Variants in COMMD1 observed in about 807,000 individuals in gnomAD.
COMMD1 encodes the protein COMM domain-containing protein 1.
In COMMD1, 10 loss-of-function variants were observed where a neutral mutation model predicts 17.2. The ratio of observed to expected loss-of-function variants is 0.58; its 90% CI spans 0.36 to 0.99. The LOEUF (loss-of-function observed/expected upper bound fraction) is 0.99, where lower values mean the gene tolerates loss of function less well. COMMD1 is among the 50% of genes least tolerant of loss of function. COMMD1 has a pLI of 0.01. For missense variants in COMMD1, 270 were observed against 231.8 expected (o/e 1.17, Z -1.07); for synonymous variants, 97 against 91.6 (o/e 1.06, Z -0.34).
At chr2:62,015,232 G>A (rs1467873434) in intron 2 of COMMD1, among the ~76,000 whole-genome samples, 2 of 152,042 alleles carry the variant, frequency 1.3e-5, no homozygotes, top group Non-Finnish European at 2.9e-5. Context: ...TTTTCTCTGT[G>A]TATTTGCCTA....
rs57628894 is a variant in COMMD1, at chr2:62,003,605, T to TACACACACAC, written c.462+2650_462+2659dup. ...CATTACGTTATGTGACAGATATTTT[T>TACACACACAC]ACACACACACACACACACACACACA... On this transcript the variant is annotated intron_variant, in intron 2 of 2. Transcript: ENST00000311832. Among the ~76,000 whole-genome samples the TACACACACAC allele has an allele frequency of 9.0e-3, 1,315 of 146,244 alleles. 3 individuals carry two copies. The highest frequency in any genetic ancestry group is 0.014 in the South Asian group (64 of 4,490).
intron 2 of COMMD1, among the ~76,000 whole-genome samples, chr2:62,054,441 A>G (rs1376439093): frequency 2.0e-5 from 3 of 152,234 alleles, no homozygotes; most frequent in Admixed American, 2.0e-4. Flanking sequence ...TATGGAATCA[A>G]TCTAAGTGTG....
chr2:61,892,784 G>A (rs1669464115), intron 1 of COMMD1, among the ~76,000 whole-genome samples: 1 of 151,578 alleles, frequency 6.6e-6, no homozygotes, highest in Non-Finnish European at 1.5e-5. Context: ...AGTGTTTGTT[G>A]TTATTTTGTA....
intron 2 of COMMD1, among the ~76,000 whole-genome samples, chr2:62,032,386 A>G (rs1669930639): frequency 6.6e-6 from 1 of 152,140 alleles, no homozygotes; most frequent in South Asian, 2.1e-4. Flanking sequence ...AAATGTAAAA[A>G]TTAGCCAAGC....
At chr2:61,961,173 T>C (rs570668376) in intron 1 of COMMD1, among the ~76,000 whole-genome samples, 5 of 152,326 alleles carry the variant, frequency 3.3e-5, no homozygotes, top group African/African-American at 9.6e-5. Context: ...CAAGGTGAGC[T>C]TTACTTTCTG....
At chr2:61,962,964 C>T (rs1407993123) in intron 1 of COMMD1, among the ~76,000 whole-genome samples, 2 of 151,968 alleles carry the variant, frequency 1.3e-5, no homozygotes, top group African/African-American at 4.8e-5. Context: ...AATTTAAGAC[C>T]AGCCTGGCCA....
At chr2:61,903,164 C>T (rs1669695756), upstream of COMMD1, among the ~76,000 whole-genome samples, 1 of 152,042 alleles carries the variant, frequency 6.6e-6, no homozygotes, top group Non-Finnish European at 1.5e-5. Context: ...ATGCCTCTGG[C>T]CAGGTACAGT....
chr2:62,007,355 G>C (rs763691969), intron 2 of COMMD1, among the ~76,000 whole-genome samples: 1 of 151,926 alleles, frequency 6.6e-6, no homozygotes, highest in Non-Finnish European at 1.5e-5. Context: ...AAAATAGGTT[G>C]GGTTCTGTAT....
chr2:61,908,716 C>T (rs1250049452), intron 1 of COMMD1, among the ~76,000 whole-genome samples: 3 of 151,974 alleles, frequency 2.0e-5, no homozygotes, highest in South Asian at 2.1e-4. Context: ...CCAGCCACCA[C>T]GCCCGGCTAA....
intron 2 of COMMD1, among the ~76,000 whole-genome samples, chr2:62,110,224 C>G (rs113310667): frequency 9.9e-5 from 15 of 152,174 alleles, no homozygotes; most frequent in African/African-American, 3.6e-4. Flanking sequence ...GGTGCACCAA[C>G]ATGCCTGGCT....
At chr2:61,981,858 G>A (rs1397614802) in intron 1 of COMMD1, among the ~76,000 whole-genome samples, 1 of 152,148 alleles carries the variant, frequency 6.6e-6, no homozygotes, top group Non-Finnish European at 1.5e-5. Flanking sequence ...GATTTGGATG[G>A]GGACACAGCC....
chr2:61,896,662 C>T (rs1166162252), intron 1 of COMMD1, among the ~76,000 whole-genome samples: 3 of 152,178 alleles, frequency 2.0e-5, no homozygotes, highest in East Asian at 1.9e-4. Flanking sequence ...GAGAACACAC[C>T]ACCCCAAATA....
At chr2:61,943,076 A>T (rs1331421137) in intron 1 of COMMD1, among the ~76,000 whole-genome samples, 12 of 152,260 alleles carry the variant, frequency 7.9e-5, no homozygotes, top group Non-Finnish European at 1.8e-4. Context: ...TCAGTAGAAA[A>T]GTAACAGCAG....
chr2:62,073,030 A>G (rs1671242506), intron 2 of COMMD1, among the ~76,000 whole-genome samples: 1 of 152,256 alleles, frequency 6.6e-6, no homozygotes, highest in South Asian at 2.1e-4. Context: ...TGGTAAGCCC[A>G]GCTGGCAAAG....
chr2:61,936,996 A>G (rs1354942719), intron 1 of COMMD1, among the ~76,000 whole-genome samples: 2 of 152,130 alleles, frequency 1.3e-5, no homozygotes, highest in African/African-American at 2.4e-5. Context: ...GGGTGGGACA[A>G]CTCGAAGTGG....
intron 1 of COMMD1, among the ~76,000 whole-genome samples, chr2:61,912,486 C>T (rs1669929841): frequency 6.6e-6 from 1 of 152,118 alleles, no homozygotes; most frequent in African/African-American, 2.4e-5. Context: ...CCTGTAATCC[C>T]AGCACTTTGG....
intron 1 of COMMD1, among the ~76,000 whole-genome samples, chr2:61,924,571 G>A (rs1287553436): frequency 6.6e-6 from 1 of 152,162 alleles, no homozygotes; most frequent in African/African-American, 2.4e-5. Flanking sequence ...TGGAGCGGGT[G>A]AGGAGAATTT....
At chr2:61,937,566 A>T (rs1487289778) in intron 1 of COMMD1, among the ~76,000 whole-genome samples, 1 of 152,064 alleles carries the variant, frequency 6.6e-6, no homozygotes, top group African/African-American at 2.4e-5. Context: ...TACCCCTTAT[A>T]ATTATTATTT....
At position 61,966,655 on chromosome 2, in the gene COMMD1, C is replaced by T. The variant is rs140119671; in HGVS notation, c.181-34046C>T. ...TTTATCACAGGTGGCAAAAAGAGGA[C>T]TAATTACACAGACTTGTGAGAAATG... On this transcript the variant is annotated intron_variant, in intron 1 of 2. Coordinates refer to ENST00000311832, the MANE Select transcript of COMMD1 (RefSeq NM_152516.4). Among the ~76,000 whole-genome samples, 31 of 151,478 alleles carry T rather than the reference C, an allele frequency of 2.0e-4. No homozygotes were observed. The East Asian group carries it at 6.1e-3, about 30-fold the overall frequency.
Sources: allele counts gnomAD v4.1 joint callset (sites outside exome capture counted in the v4.1 genomes callset), GRCh38; gene constraint gnomAD v4.1.1; transcripts MANE v1.5; gene names NCBI Gene and HGNC (gene_info 2026-07-23, HGNC 2026-07-21).